DIS3L2: variants seen among roughly 807,000 people sequenced by gnomAD.
DIS3L2 encodes the protein DIS3-like exonuclease 2.
DIS3L2 carries 34 observed loss-of-function variants against 97.5 expected under a neutral mutation model. The ratio of observed to expected loss-of-function variants is 0.35; its 90% CI spans 0.27 to 0.46. The LOEUF is 0.46. Among genes scored for constraint, DIS3L2 ranks in the 20% least tolerant of loss-of-function variants. The pLI, the probability that DIS3L2 is intolerant of heterozygous loss-of-function variation, is 1.00. For synonymous variants in DIS3L2, 435 were observed against 445.2 expected, an observed-to-expected ratio of 0.98 and a Z score of 0.29; for missense variants, 1,038 against 1,146.0, an observed-to-expected ratio of 0.91 and a Z score of 1.36.
At chr2:232,153,783 T>G (rs573086243) in intron 8 of DIS3L2, among the ~76,000 whole-genome samples, 4 of 151,902 alleles carry the variant, frequency 2.6e-5, no homozygotes, top group Admixed American at 6.5e-5. Context: ...CTGGATAATA[T>G]CCTGCAGAGT....
chr2:232,129,704 C>T (rs1490885816), intron 6 of DIS3L2, among the ~76,000 whole-genome samples: 1 of 152,166 alleles, frequency 6.6e-6, no homozygotes, highest in Non-Finnish European at 1.5e-5. Context: ...TAAAAGGCAG[C>T]CAGTCCTGAA....
At chr2:232,247,648 T>A (rs1479171635) in intron 11 of DIS3L2, among the ~76,000 whole-genome samples, 4 of 52,776 alleles carry the variant, frequency 7.6e-5, no homozygotes, top group South Asian at 8.4e-4. Context: ...GGGGGGAGGG[T>A]GCCAATTCAG....
chr2:232,135,435 C>A (rs766377256), intron 7 of DIS3L2, among the ~76,000 whole-genome samples: 1 of 152,088 alleles, frequency 6.6e-6, no homozygotes, highest in Non-Finnish European at 1.5e-5. Flanking sequence ...GGAAGGCAGT[C>A]CTTAGGAGAG....
intron 9 of DIS3L2, among the ~76,000 whole-genome samples, chr2:232,182,987 A>G (rs1035491219): frequency 6.6e-6 from 1 of 152,154 alleles, no homozygotes; most frequent in Non-Finnish European, 1.5e-5. Flanking sequence ...CTAAGTTCGT[A>G]GGTTGAAACT....
intron 1 of DIS3L2, among the ~76,000 whole-genome samples, chr2:231,968,094 C>T (rs1406071634): frequency 1.3e-5 from 2 of 149,266 alleles, no homozygotes; most frequent in Non-Finnish European, 3.0e-5. Flanking sequence ...TCCCAGATAA[C>T]TGATTTTTTT....
intron 5 of DIS3L2, among the ~76,000 whole-genome samples, chr2:232,068,332 G>C (rs1284393603): frequency 6.6e-6 from 1 of 151,652 alleles, no homozygotes; most frequent in Non-Finnish European, 1.5e-5. Context: ...AGCACTTTGG[G>C]AGGCCAAGGC....
At chr2:232,259,021 A>G (rs1437293972) in intron 12 of DIS3L2, among the ~76,000 whole-genome samples, 1 of 152,154 alleles carries the variant, frequency 6.6e-6, no homozygotes, top group African/African-American at 2.4e-5. Flanking sequence ...GTGTTAAGGC[A>G]TAGTAGATTC....
chr2:232,300,747 C>T (rs10804381), intron 14 of DIS3L2, among the ~76,000 whole-genome samples: 13,723 of 151,062 alleles, frequency 0.091, 1,257 homozygotes, highest in East Asian at 0.45. Context: ...CCAAAACTCC[C>T]GGGCTCAAGT....
At chr2:232,098,355 A>AT (rs371321680) in intron 6 of DIS3L2, among the ~76,000 whole-genome samples, 70,608 of 138,684 alleles carry the variant, frequency 0.51, 18,953 homozygotes, top group Non-Finnish European at 0.6. Flanking sequence ...GAGGTTTCTA[A>AT]TTTTTTTTTT....
intron 14 of DIS3L2, chr2:232,328,850 ATCT>A (rs1442906859): frequency 1.3e-5 from 2 of 152,186 alleles, no homozygotes; most frequent in African/African-American, 2.4e-5. Flanking sequence ...CACATGTGTG[ATCT>A]TCTTGTCCCA....
At chr2:232,041,719 A>G (rs1574832169) in intron 5 of DIS3L2, among the ~76,000 whole-genome samples, 1 of 152,248 alleles carries the variant, frequency 6.6e-6, no homozygotes, top group South Asian at 2.1e-4. Flanking sequence ...CGGCAAAACA[A>G]TGTGATACAG....
At chr2:232,290,677 C>G (rs1355401543) in intron 13 of DIS3L2, among the ~76,000 whole-genome samples, 2 of 152,176 alleles carry the variant, frequency 1.3e-5, no homozygotes, top group Non-Finnish European at 2.9e-5. Flanking sequence ...CATTTTTAAC[C>G]TTAATGAGAA....
intron 5 of DIS3L2, among the ~76,000 whole-genome samples, chr2:232,060,918 ATT>A (rs1193416156): frequency 6.6e-6 from 1 of 152,144 alleles, no homozygotes; most frequent in African/African-American, 2.4e-5. Flanking sequence ...ATTTGTAGCT[ATT>A]ATAAATGTAA....
chr2:232,256,785 T>C (rs1292050593), intron 12 of DIS3L2, among the ~76,000 whole-genome samples: 2 of 152,114 alleles, frequency 1.3e-5, no homozygotes, highest in African/African-American at 4.8e-5. Flanking sequence ...TGAGAACAGA[T>C]CGAGACCCTG....
chr2:231,974,307 G>A (rs949867506), intron 1 of DIS3L2, among the ~76,000 whole-genome samples: 2 of 152,180 alleles, frequency 1.3e-5, no homozygotes, highest in African/African-American at 4.8e-5. Context: ...GCTCTAAGTA[G>A]TGGAGCAAAA....
chr2:232,195,683 C>T (rs182077961), intron 9 of DIS3L2, among the ~76,000 whole-genome samples: 2 of 152,082 alleles, frequency 1.3e-5, no homozygotes, highest in Admixed American at 1.3e-4. Context: ...AATTCCTGGG[C>T]TCAAGCTGTT....
intron 6 of DIS3L2, among the ~76,000 whole-genome samples, chr2:232,126,729 G>C (rs1698072246): frequency 6.6e-6 from 1 of 152,214 alleles, no homozygotes; most frequent in Non-Finnish European, 1.5e-5. Context: ...TAGGAAAGAA[G>C]AGGCTGGATA....
In DIS3L2 at chr2:232,077,969, C is replaced by CTTTCT. The variant is rs1365557636; in HGVS notation, c.367-9515_367-9511dup. Among the ~76,000 whole-genome samples, 1,142 of 123,000 alleles carry CTTTCT rather than the reference C, an allele frequency of 9.3e-3. 20 individuals are homozygous for CTTTCT. The highest frequency in any genetic ancestry group is 0.012 in the Non-Finnish European group (707 of 59,378). The allele number at this position is 123,000 out of a possible 152,430, so 80.7% of individuals were successfully genotyped here. The stretch of plus-strand genomic sequence containing the variant: ...TTTCTTTCTTTCTCTTTCTTTCTTT[C>CTTTCT]TTTCTTTCTTTCTTTCTTTCTTTCT... On this transcript the variant is annotated intron_variant, in intron 5 of 20. Coordinates refer to ENST00000325385, the MANE Select transcript of DIS3L2 (RefSeq NM_152383.5).
At chr2:232,223,092 G>T (rs549259567) in intron 10 of DIS3L2, among the ~76,000 whole-genome samples, 1 of 152,182 alleles carries the variant, frequency 6.6e-6, no homozygotes, top group African/African-American at 2.4e-5. Context: ...GGACTGTTGT[G>T]TGTTCATCAG....
Sources: allele counts gnomAD v4.1 joint callset (sites outside exome capture counted in the v4.1 genomes callset), GRCh38; gene constraint gnomAD v4.1.1; transcripts MANE v1.5; gene names NCBI Gene and HGNC (gene_info 2026-07-23, HGNC 2026-07-21).